Variants in SPECC1 observed in about 807,000 individuals in gnomAD.
SPECC1 encodes sperm antigen with calponin homology and coiled-coil domains 1, also known as cytospin-B.
SPECC1 carries 62 observed loss-of-function variants against 104.1 expected under a neutral mutation model. That is an observed-to-expected ratio of 0.60 (90% CI 0.49 to 0.74). The LOEUF (loss-of-function observed/expected upper bound fraction) is 0.74, where lower values mean the gene tolerates loss of function less well. Ranked by LOEUF, SPECC1 falls within the 30% of genes least tolerant of loss-of-function variation. SPECC1 has a pLI of 0.00. For missense variants in SPECC1, 1,306 were observed against 1,310.5 expected (o/e 1.00, Z 0.05); for synonymous variants, 513 against 501.6 (o/e 1.02, Z -0.30).
At chr17:20,115,341 C>G (rs915727030) in intron 3 of SPECC1, among the ~76,000 whole-genome samples, 4 of 151,924 alleles carry the variant, frequency 2.6e-5, no homozygotes, top group Non-Finnish European at 5.9e-5. Flanking sequence ...GGCGCGGTGG[C>G]GGGTGCCTGT....
chr17:20,081,623 C>T (rs1334564870), intron 1 of SPECC1, among the ~76,000 whole-genome samples: 3 of 151,900 alleles, frequency 2.0e-5, no homozygotes, highest in Non-Finnish European at 4.4e-5. Context: ...AGGGAGAGGG[C>T]TGAGGAGAGG....
At chr17:20,223,404 G>A (rs972343292) in intron 4 of SPECC1, among the ~76,000 whole-genome samples, 3 of 151,888 alleles carry the variant, frequency 2.0e-5, no homozygotes, top group East Asian at 1.9e-4. Context: ...GGCCGGGTGC[G>A]GTGGCTCATG....
chr17:20,149,872 T>C (rs1336018664), intron 3 of SPECC1, among the ~76,000 whole-genome samples: 2 of 152,242 alleles, frequency 1.3e-5, no homozygotes, highest in Non-Finnish European at 2.9e-5. Flanking sequence ...AATCGAAATA[T>C]ATAATGTACT....
chr17:20,041,470 G>C (rs1273398828), intron 1 of SPECC1, among the ~76,000 whole-genome samples: 2 of 151,976 alleles, frequency 1.3e-5, no homozygotes, highest in African/African-American at 4.8e-5. Context: ...TCAAACTCCT[G>C]ACCTCAGGTG....
chr17:20,132,313 A>C (rs2049687861), intron 3 of SPECC1, among the ~76,000 whole-genome samples: 1 of 152,146 alleles, frequency 6.6e-6, no homozygotes, highest in Admixed American at 6.5e-5. Flanking sequence ...TAAGAATTTA[A>C]AAATCTGTAT....
chr17:20,179,868 TGTAAA>T (rs1322262388), intron 3 of SPECC1, among the ~76,000 whole-genome samples: 2 of 152,150 alleles, frequency 1.3e-5, no homozygotes, highest in African/African-American at 4.8e-5. Context: ...AGAATGTAAG[TGTAAA>T]GTAAGAATTC....
chr17:20,083,085 C>A (rs1482395765), intron 1 of SPECC1, among the ~76,000 whole-genome samples: 1 of 152,178 alleles, frequency 6.6e-6, no homozygotes, highest in Non-Finnish European at 1.5e-5. Flanking sequence ...CCTGACCACA[C>A]CAACTATATC....
intron 3 of SPECC1, among the ~76,000 whole-genome samples, chr17:20,165,246 C>T (rs1021777027): frequency 6.6e-6 from 1 of 152,252 alleles, no homozygotes; most frequent in Non-Finnish European, 1.5e-5. Context: ...CCCCCCACCC[C>T]CTGTGCCGTT....
chr17:20,286,674 C>A (rs1221443643), intron 12 of SPECC1, among the ~76,000 whole-genome samples: 7 of 152,180 alleles, frequency 4.6e-5, no homozygotes, highest in Non-Finnish European at 8.8e-5. Context: ...GCCTGGTGCC[C>A]AGTATATTGG....
At chr17:20,257,036 C>G (rs1370009910) in intron 10 of SPECC1, among the ~76,000 whole-genome samples, 2 of 152,210 alleles carry the variant, frequency 1.3e-5, no homozygotes, top group African/African-American at 4.8e-5. Context: ...TGGTTCCCAG[C>G]TTCTTGTTTA....
At chr17:20,290,656 A>G (rs2041132910) in intron 12 of SPECC1, among the ~76,000 whole-genome samples, 1 of 152,156 alleles carries the variant, frequency 6.6e-6, no homozygotes, top group South Asian at 2.1e-4. Context: ...CTGGGATTAC[A>G]GGCACACACC....
At chr17:20,062,503 C>T (rs1482650915) in intron 1 of SPECC1, among the ~76,000 whole-genome samples, 1 of 151,898 alleles carries the variant, frequency 6.6e-6, no homozygotes, top group East Asian at 1.9e-4. Context: ...GTTGGGACTA[C>T]AGGCATGTGC....
At chr17:20,105,714 C>T (rs759142869) in intron 2 of SPECC1, among the ~76,000 whole-genome samples, 1 of 152,226 alleles carries the variant, frequency 6.6e-6, no homozygotes, top group Non-Finnish European at 1.5e-5. Context: ...ATGCCAGGTC[C>T]TCTTGCAGTG....
At chr17:20,264,715 G>T (rs1032055464) in intron 12 of SPECC1, among the ~76,000 whole-genome samples, 7 of 151,706 alleles carry the variant, frequency 4.6e-5, no homozygotes, top group Admixed American at 4.6e-4. Flanking sequence ...CAGGTGATCC[G>T]CCCACCTTGA....
At chr17:20,163,293 C>CTTGT (rs2033340796) in intron 3 of SPECC1, among the ~76,000 whole-genome samples, 1 of 152,090 alleles carries the variant, frequency 6.6e-6, no homozygotes, top group Non-Finnish European at 1.5e-5. Context: ...AGTTCAACGT[C>CTTGT]TTGTTATTCC....
At chr17:20,087,960 G>T (rs1033389460) in intron 1 of SPECC1, among the ~76,000 whole-genome samples, 24 of 152,186 alleles carry the variant, frequency 1.6e-4, no homozygotes, top group Non-Finnish European at 3.5e-4. Context: ...CACTGTGTGA[G>T]GAGCTGGGGG....
At chr17:20,252,272 A>AC (rs1567985294) in intron 9 of SPECC1, among the ~76,000 whole-genome samples, 2 of 151,974 alleles carry the variant, frequency 1.3e-5, no homozygotes, top group African/African-American at 4.8e-5. Context: ...TTTTTTTTAA[A>AC]TTTTTAATTT....
At chr17:20,060,623 C>T (rs1286334350) in intron 1 of SPECC1, among the ~76,000 whole-genome samples, 2 of 152,174 alleles carry the variant, frequency 1.3e-5, no homozygotes, top group African/African-American at 4.8e-5. Context: ...TGTGTACTTC[C>T]CTTCTTTAAC....
intron 3 of SPECC1, among the ~76,000 whole-genome samples, chr17:20,163,441 C>T (rs998274192): frequency 1.3e-5 from 2 of 151,898 alleles, no homozygotes; most frequent in African/African-American, 4.8e-5. Flanking sequence ...TATTTAGGTT[C>T]TTGTTAAAGT....
Sources: allele counts gnomAD v4.1 joint callset (sites outside exome capture counted in the v4.1 genomes callset), GRCh38; gene constraint gnomAD v4.1.1; transcripts MANE v1.5; gene names NCBI Gene and HGNC (gene_info 2026-07-23, HGNC 2026-07-21).